The following PAQR5 variants were observed in gnomAD, a reference collection of about 807,000 sequenced individuals.
The protein encoded by PAQR5 is membrane progestin receptor gamma.
A neutral mutation model predicts 34.5 loss-of-function variants in PAQR5; 20 were observed. The observed-to-expected ratio is 0.58, with a 90% CI of 0.41 to 0.84. PAQR5 has a LOEUF of 0.84. PAQR5 is among the 40% of genes least tolerant of loss of function. The pLI, the probability that PAQR5 is intolerant of heterozygous loss-of-function variation, is 0.00. For synonymous variants in PAQR5, 131 were observed against 155.6 expected, an observed-to-expected ratio of 0.84 and a Z score of 1.18; for missense variants, 378 against 412.7, an observed-to-expected ratio of 0.92 and a Z score of 0.73.
At chr15:69,395,631 CAGGAGGTACACAAAGGTT>C (rs1262921251) in intron 6 of PAQR5, among the ~76,000 whole-genome samples, 4 of 152,178 alleles carry the variant, frequency 2.6e-5, no homozygotes, top group Non-Finnish European at 5.9e-5. Context: ...ACATGAGGAT[CAGGAGGTACACAAAGGTT>C]AGTGACCTGC....
chr15:69,397,669 C>T (rs1878501498), intron 7 of PAQR5, 105 bp downstream of exon 7: 1 of 809,004 alleles, frequency 1.2e-6, no homozygotes, highest in South Asian at 1.4e-5. Flanking sequence ...AACCGCAGAA[C>T]AAAACAGGAG....
chr15:69,336,330 T>C (rs1465807890), intron 1 of PAQR5, among the ~76,000 whole-genome samples: 1 of 152,154 alleles, frequency 6.6e-6, no homozygotes, highest in African/African-American at 2.4e-5. Context: ...AAAAATGACA[T>C]TTGGCTTATT....
At position 69,334,895 on chromosome 15, in the gene PAQR5, C is replaced by T. The variant is rs1030095561; in HGVS notation, c.-276-2446C>T. On this transcript the variant is annotated intron_variant, in intron 1 of 8. Transcript: ENST00000395407. ...GGTTTGTAAAGGGTTGATCTTGTAA[C>T]AAATTCTGTGGGTATAAACAAGTTG... Among the ~76,000 whole-genome samples, 14 of 152,208 alleles carry T rather than the reference C, an allele frequency of 9.2e-5. No homozygotes were observed. The South Asian group carries it at 2.7e-3, about 29-fold the overall frequency.
At chr15:69,381,722 G>A (rs2055888742) in intron 4 of PAQR5, among the ~76,000 whole-genome samples, 1 of 152,170 alleles carries the variant, frequency 6.6e-6, no homozygotes, top group Non-Finnish European at 1.5e-5. Context: ...GATGCCCTAA[G>A]GAAATGGGAC....
rs1478142478 is a variant in PAQR5 at position 69,404,757 on chromosome 15, T to G, written c.*935T>G. 1 of 394,948 alleles carries G rather than the reference T, an allele frequency of 2.5e-6. No individual in the cohort carries two copies. The highest frequency in any genetic ancestry group is 4.5e-6 in the Non-Finnish European group (1 of 224,382). The allele number at this position is 394,948 out of a possible 1,614,324, so 24.5% of individuals were successfully genotyped here. ...CATAAGAAGTTAATCACCTTGCCAG[T>G]GGGGTGGTCACATATAGTGTTCTCA... On this transcript the variant is annotated 3_prime_UTR_variant, in exon 9 of 9. Transcript: ENST00000395407.
At chr15:69,313,928 G>T (rs554382892) in intron 1 of PAQR5, among the ~76,000 whole-genome samples, 6 of 152,160 alleles carry the variant, frequency 3.9e-5, no homozygotes, top group Non-Finnish European at 8.8e-5. Flanking sequence ...AGGGTGGGGA[G>T]TGGGTGGACT....
chr15:69,323,119 G>A (rs142860568), intron 1 of PAQR5, among the ~76,000 whole-genome samples: 2 of 152,344 alleles, frequency 1.3e-5, no homozygotes, highest in African/African-American at 2.4e-5. Context: ...CATGGGGCAG[G>A]AGAAGAGAAC....
chr15:69,315,979 C>T (rs549286927), intron 1 of PAQR5, among the ~76,000 whole-genome samples: 7 of 152,254 alleles, frequency 4.6e-5, no homozygotes, highest in East Asian at 1.9e-4. Context: ...AGTGAAGCCT[C>T]GGGGAAGGCG....
chr15:69,400,087 C>A lies in PAQR5; in HGVS notation c.723C>A (p.Arg241=). 6.2e-7 allele frequency: 1 copy of A among 1,614,106 alleles called. No individual in the cohort carries two copies. ...SFLYSAHLPE[R]LAPGRFDYIG... ...TGTACTCTGCACATCTGCCAGAACG[C>A]CTAGCCCCTGGACGCTTTGACTACA... is the stretch of plus-strand genomic sequence containing the variant. The change falls in exon 8 of 9, where the codon CGC becomes CGA. Residue 241 remains arginine (R), a synonymous_variant. Transcript: ENST00000395407.
intron 4 of PAQR5, among the ~76,000 whole-genome samples, chr15:69,383,787 CTTTGTGT>C (rs2056007919): frequency 6.4e-5 from 5 of 78,594 alleles, no homozygotes; most frequent in Non-Finnish European, 1.2e-4. Context: ...GTGAGTGGGC[CTTTGTGT>C]TCATGGTGGA....
At chr15:69,390,370 G>C (rs1471310128) in intron 6 of PAQR5, among the ~76,000 whole-genome samples, 1 of 31,468 alleles carries the variant, frequency 3.2e-5, no homozygotes, top group Non-Finnish European at 1.6e-4. Flanking sequence ...ATTTTTTTGA[G>C]ACAGGGTCTC....
At chr15:69,315,448 A>G (rs187120149) in intron 1 of PAQR5, among the ~76,000 whole-genome samples, 63 of 152,292 alleles carry the variant, frequency 4.1e-4, no homozygotes, top group Middle Eastern at 6.8e-3. Context: ...TTGAAGACCC[A>G]AGGGAATGGG....
intron 2 of PAQR5, among the ~76,000 whole-genome samples, chr15:69,349,533 G>A (rs893714347): frequency 6.6e-6 from 1 of 152,182 alleles, no homozygotes; most frequent in South Asian, 2.1e-4. Context: ...TCCAGTGTGG[G>A]GAGTTAAGAA....
chr15:69,379,996 C>G lies in PAQR5; in HGVS notation c.165C>G (p.His55Gln). 2 of 1,614,222 alleles carry G rather than the reference C, an allele frequency of 1.2e-6. No individual in the cohort carries two copies. Among genetic ancestry groups the G allele is most frequent in the Non-Finnish European group, 1.7e-6 (2 of 1,180,034 alleles). Residue 55 changes from histidine to glutamine, a missense_variant, in exon 4 of 9, where the codon CAC becomes CAG. His to Gln is a conservative substitution (Grantham distance 24, BLOSUM62 0). Coordinates refer to ENST00000395407, the MANE Select transcript of PAQR5 (RefSeq NM_017705.4). ...ATGAGACTCTCAACATTTGGACTCA[C>G]TTGCTGCCCTTCTGGTACCTTCTGG... ...MTNETLNIWT[H>Q]LLPFWFFAWR...
At chr15:69,402,479 GGCTAATTTTT>G (rs1181899126) in intron 8 of PAQR5, among the ~76,000 whole-genome samples, 1 of 151,926 alleles carries the variant, frequency 6.6e-6, no homozygotes, top group East Asian at 1.9e-4. Flanking sequence ...CACCATGCCC[GGCTAATTTTT>G]GTATTTTTAG....
intron 1 of PAQR5, among the ~76,000 whole-genome samples, chr15:69,320,193 C>A (rs914027102): frequency 7.2e-5 from 11 of 152,250 alleles, no homozygotes; most frequent in Admixed American, 1.3e-4. Context: ...GGCCAACTAG[C>A]TGGGTAGCAT....
chr15:69,382,157 G>A (rs946417905), intron 4 of PAQR5, among the ~76,000 whole-genome samples: 1 of 152,178 alleles, frequency 6.6e-6, no homozygotes, highest in Non-Finnish European at 1.5e-5. Flanking sequence ...GGCTTGCAAG[G>A]CTCCACCTGG....
chr15:69,378,264 T>TAAAAAAA lies in PAQR5; in HGVS notation c.52-1599_52-1593dup, dbSNP rs71149912. ...TGGGCAACAAAATGAGACTCCATCT[T>TAAAAAAA]AAAAAAAAAAAAAAAAAAAAAAAAA... On this transcript the variant is annotated intron_variant, in intron 3 of 8. Coordinates refer to ENST00000395407, the MANE Select transcript of PAQR5 (RefSeq NM_017705.4). Among the ~76,000 whole-genome samples, 290 of 59,682 alleles carry TAAAAAAA rather than the reference T, an allele frequency of 4.9e-3. 22 individuals are homozygous for TAAAAAAA. The highest frequency in any genetic ancestry group is 0.02 in the African/African-American group (232 of 11,858). 39.2% of individuals were successfully genotyped at this position (59,682 alleles called of 152,430 possible). A position where few individuals can be genotyped will look rare whatever the true frequency, so the allele number is the denominator to read the frequency against.
At chr15:69,363,146 G>C (rs1448869946) in intron 3 of PAQR5, among the ~76,000 whole-genome samples, 2 of 152,132 alleles carry the variant, frequency 1.3e-5, no homozygotes, top group African/African-American at 4.8e-5. Context: ...TCACTACCCT[G>C]TCTGGGCCTC....
Sources: gnomAD v4.1 joint callset for allele counts (sites outside exome capture counted in the v4.1 genomes callset) on GRCh38, gnomAD v4.1.1 for gene constraint, MANE v1.5 for transcripts, NCBI Gene and HGNC (gene_info 2026-07-23, HGNC 2026-07-21) for gene names.